The following PRICKLE1 variants were observed in gnomAD, a reference collection of about 807,000 sequenced individuals.
The protein encoded by PRICKLE1 is prickle planar cell polarity protein 1, also known as prickle-like protein 1.
In PRICKLE1, 14 loss-of-function variants were observed where a neutral mutation model predicts 70.2. The observed-to-expected ratio is 0.20, with a 90% CI of 0.13 to 0.31. The LOEUF is 0.31. Among genes scored for constraint, PRICKLE1 ranks in the 10% least tolerant of loss-of-function variants. The pLI is 1.00. For synonymous variants in PRICKLE1, 357 were observed against 379.9 expected (o/e 0.94, Z 0.70); for missense variants, 821 against 1,026.2 (o/e 0.80, Z 2.73).
chr12:42,461,160 T>C (rs921955980), intron 7 of PRICKLE1, among the ~76,000 whole-genome samples: 14 of 152,136 alleles, frequency 9.2e-5, no homozygotes, highest in Admixed American at 8.5e-4. Context: ...GGTTTACAGG[T>C]ATGAGCCACT....
chr12:42,547,318 T>C (rs1940232450), intron 1 of PRICKLE1, among the ~76,000 whole-genome samples: 1 of 152,234 alleles, frequency 6.6e-6, no homozygotes, highest in Non-Finnish European at 1.5e-5. Flanking sequence ...AACCCTGGTA[T>C]GCCATCTAAA....
At chr12:42,565,857 G>T (rs1940612680) in intron 1 of PRICKLE1, among the ~76,000 whole-genome samples, 2 of 152,176 alleles carry the variant, frequency 1.3e-5, no homozygotes, top group Admixed American at 1.3e-4. Context: ...GGAGCTGCGA[G>T]GGCTTTGTTT....
chr12:42,457,833 A>G lies in PRICKLE1; in HGVS notation c.*1976T>C, dbSNP rs977189563. ...GCTTTGAATGTCTGAAGGAGACACT[A>G]AAACTGGGTAAGAGTGGTTACTTCT... On this transcript the variant is annotated 3_prime_UTR_variant, in exon 8 of 8. Coordinates refer to ENST00000345127, the MANE Select transcript of PRICKLE1 (RefSeq NM_153026.3). 6 of 152,256 alleles carry G rather than the reference A, an allele frequency of 3.9e-5. No individual in the cohort carries two copies. Among genetic ancestry groups the G allele is most frequent in the Non-Finnish European group, 7.3e-5 (5 of 68,052 alleles). 9.4% of individuals were successfully genotyped at this position (152,256 alleles called of 1,614,324 possible).
At chr12:42,577,494 TA>T (rs1303152555) in intron 1 of PRICKLE1, among the ~76,000 whole-genome samples, 7 of 152,274 alleles carry the variant, frequency 4.6e-5, no homozygotes, top group East Asian at 1.9e-4. Flanking sequence ...AATAGACTGT[TA>T]AAAAAATTCT....
Position 42,460,219 on chromosome 12 carries a change from A to G in PRICKLE1, c.2086T>C (p.Ser696Pro). 1 of 1,613,976 alleles carries G rather than the reference A, an allele frequency of 6.2e-7. No homozygotes were observed. The highest frequency in any genetic ancestry group is 8.5e-7 in the Non-Finnish European group (1 of 1,180,020). ...ALNLVTERKY[S>P]PKDRLRLYTP... is the part of the protein sequence containing the mutation. ...TACAGCCGCAGTCTGTCCTTGGGAG[A>G]GTATTTTCTTTCTGTAACAAGATTC... The change falls in exon 8 of 8, where the codon TCT (serine) becomes CCT (proline). Residue 696 changes from serine (S) to proline (P), a missense_variant. Coordinates refer to ENST00000345127, the MANE Select transcript of PRICKLE1 (RefSeq NM_153026.3).
chr12:42,532,497 G>A (rs972115991), intron 1 of PRICKLE1, among the ~76,000 whole-genome samples: 4 of 152,138 alleles, frequency 2.6e-5, no homozygotes, highest in Non-Finnish European at 5.9e-5. Context: ...AGTAACGAGT[G>A]AAATTAATTT....
In PRICKLE1 at chr12:42,546,575, G is replaced by A. The variant is rs1026252486; in HGVS notation, c.-49+42890C>T. 2.0e-5 allele frequency among the ~76,000 whole-genome samples: 3 copies of A among 152,228 alleles called. No homozygotes were observed. The East Asian group carries it at 5.8e-4, about 29-fold the overall frequency. Reference sequence around the variant, plus strand: ...TTGAGATCAGCCTGGCCAACATGGCGAAACCCTGTTTTTACTAAAAATACA... The same window carrying A: ...TTGAGATCAGCCTGGCCAACATGGCAAAACCCTGTTTTTACTAAAAATACA... On this transcript the variant is annotated intron_variant, in intron 1 of 7. Coordinates refer to ENST00000345127, the MANE Select transcript of PRICKLE1 (RefSeq NM_153026.3).
At chr12:42,502,205 CTA>C (rs905987195) in intron 1 of PRICKLE1, among the ~76,000 whole-genome samples, 1 of 146,760 alleles carries the variant, frequency 6.8e-6, no homozygotes, top group African/African-American at 2.6e-5. Context: ...ACACACACAC[CTA>C]TATATATACA....
intron 1 of PRICKLE1, among the ~76,000 whole-genome samples, chr12:42,580,416 A>C (rs1443202904): frequency 2.0e-5 from 3 of 152,224 alleles, no homozygotes; most frequent in Admixed American, 2.0e-4. Flanking sequence ...CAATGAGATC[A>C]GTTGTTAACC....
intron 1 of PRICKLE1, among the ~76,000 whole-genome samples, chr12:42,501,121 A>T (rs1796369): frequency 0.17 from 26,409 of 152,182 alleles, 3,037 homozygotes; most frequent in African/African-American, 0.31. Flanking sequence ...ATCACATTTT[A>T]AGGATCTGAA....
intron 1 of PRICKLE1, among the ~76,000 whole-genome samples, chr12:42,553,312 C>A (rs370722762): frequency 4.0e-5 from 6 of 151,892 alleles, no homozygotes; most frequent in Admixed American, 1.3e-4. Flanking sequence ...GGCGTGGTAG[C>A]GGGCACCTGT....
intron 1 of PRICKLE1, among the ~76,000 whole-genome samples, chr12:42,517,292 G>A (rs1939626878): frequency 7.1e-6 from 1 of 141,376 alleles, no homozygotes; most frequent in Non-Finnish European, 1.5e-5. Flanking sequence ...CTAAATGTGT[G>A]TACTCAGTCT....
At chr12:42,552,351 A>T (rs1940332558) in intron 1 of PRICKLE1, among the ~76,000 whole-genome samples, 1 of 152,052 alleles carries the variant, frequency 6.6e-6, no homozygotes, top group African/African-American at 2.4e-5. Context: ...TACAGGTGTG[A>T]GCTCCCGTGC....
intron 1 of PRICKLE1, among the ~76,000 whole-genome samples, chr12:42,583,884 T>C (rs985887330): frequency 6.6e-6 from 1 of 152,182 alleles, no homozygotes; most frequent in Non-Finnish European, 1.5e-5. Flanking sequence ...CTAGGTGTTA[T>C]GTTTCAGGTG....
intron 1 of PRICKLE1, among the ~76,000 whole-genome samples, chr12:42,550,808 G>A (rs973621616): frequency 6.6e-6 from 1 of 152,126 alleles, no homozygotes; most frequent in African/African-American, 2.4e-5. Flanking sequence ...CTATAAAGGA[G>A]GAGACATTAT....
chr12:42,470,020 G>A, intron 3 of PRICKLE1: 1 of 533,906 alleles, frequency 1.9e-6, no homozygotes, highest in Non-Finnish European at 3.4e-6. Context: ...TTGGTGGGTG[G>A]CTGCAAACAC....
intron 1 of PRICKLE1, among the ~76,000 whole-genome samples, chr12:42,559,995 A>G (rs1940480423): frequency 6.6e-6 from 1 of 151,938 alleles, no homozygotes; most frequent in Non-Finnish European, 1.5e-5. Flanking sequence ...TTAATGTGCT[A>G]ACCAATAGCT....
intron 1 of PRICKLE1, among the ~76,000 whole-genome samples, chr12:42,571,678 G>C (rs1210489408): frequency 6.6e-6 from 1 of 152,118 alleles, no homozygotes; most frequent in African/African-American, 2.4e-5. Flanking sequence ...AGGTGTCCTG[G>C]GTGTTTTGGT....
At chr12:42,586,547 T>C (rs1485954155) in intron 1 of PRICKLE1, among the ~76,000 whole-genome samples, 1 of 152,208 alleles carries the variant, frequency 6.6e-6, no homozygotes, top group Non-Finnish European at 1.5e-5. Context: ...AAAAATTTGC[T>C]CTTTATAAAC....
Sources: allele counts gnomAD v4.1 joint callset (sites outside exome capture counted in the v4.1 genomes callset), GRCh38; gene constraint gnomAD v4.1.1; transcripts MANE v1.5; gene names NCBI Gene and HGNC (gene_info 2026-07-23, HGNC 2026-07-21).